Variants in NRCAM observed in about 807,000 individuals in gnomAD.
NRCAM encodes neuronal cell adhesion molecule.
NRCAM carries 83 observed loss-of-function variants against 156.5 expected under a neutral mutation model. The ratio of observed to expected loss-of-function variants is 0.53; its 90% confidence interval spans 0.44 to 0.64. The LOEUF is 0.64. Ranked by LOEUF, NRCAM falls within the 30% of genes least tolerant of loss-of-function variation. The pLI is 0.00. For missense variants in NRCAM, 1,417 were observed against 1,597.3 expected, an observed-to-expected ratio of 0.89 and a Z score of 1.92; for synonymous variants, 538 against 563.9, an observed-to-expected ratio of 0.95 and a Z score of 0.65.
At chr7:108,158,754 C>T (rs1016090951) in intron 32 of NRCAM, among the ~76,000 whole-genome samples, 19 of 152,200 alleles carry the variant, frequency 1.2e-4, no homozygotes, top group Admixed American at 3.3e-4. Context: ...TAAATAAATA[C>T]GTACTTTGTT....
At chr7:108,450,790 G>A (rs536940694) in intron 1 of NRCAM, among the ~76,000 whole-genome samples, 1 of 152,254 alleles carries the variant, frequency 6.6e-6, no homozygotes, top group African/African-American at 2.4e-5. Context: ...TCAATTTCTT[G>A]CTTTGCACAA....
At position 108,167,001 on chromosome 7, in the gene NRCAM, C is replaced by T; in HGVS notation, c.3386G>A (p.Gly1129Glu). ...ACCAACTCGAACTTTGTATGCTGTT[C>T]CTGGCATTAGACCCTTTAACCCAAA... ...SFFGLKGLMPGTAYKVRVGAV... is the reference protein window; with the variant it reads ...SFFGLKGLMPETAYKVRVGAV... Residue 1129 changes from glycine to glutamate, a missense_variant, in exon 30 of 33, where the codon GGA becomes GAA. Physicochemically the swap from Gly to Glu is moderately conservative, Grantham distance 98. Coordinates refer to ENST00000379028, the MANE Select transcript of NRCAM (RefSeq NM_001037132.4). 2 of 1,613,850 alleles carry T rather than the reference C, an allele frequency of 1.2e-6. No homozygotes were observed. The highest frequency in any genetic ancestry group is 1.7e-6 in the Non-Finnish European group (2 of 1,179,778).
chr7:108,378,689 A>ACG (rs2099687420), intron 2 of NRCAM, among the ~76,000 whole-genome samples: 2 of 135,708 alleles, frequency 1.5e-5, no homozygotes, highest in African/African-American at 5.5e-5. Context: ...ACACACACAC[A>ACG]AACTCCAAGA....
intron 3 of NRCAM, among the ~76,000 whole-genome samples, chr7:108,275,949 G>T (rs1186110107): frequency 6.6e-6 from 1 of 152,066 alleles, no homozygotes; most frequent in Non-Finnish European, 1.5e-5. Context: ...GTTCTCGTTG[G>T]TTTCAAAGAA....
At chr7:108,347,239 T>C (rs949568475) in intron 2 of NRCAM, among the ~76,000 whole-genome samples, 1 of 152,042 alleles carries the variant, frequency 6.6e-6, no homozygotes, top group Admixed American at 6.6e-5. Context: ...GATTTCACCG[T>C]GTTAGCCAGG....
At chr7:108,319,774 C>CAA (rs2098978422) in intron 2 of NRCAM, among the ~76,000 whole-genome samples, 1 of 152,112 alleles carries the variant, frequency 6.6e-6, no homozygotes, top group South Asian at 2.1e-4. Context: ...TACCAATGCA[C>CAA]AATTTAATTG....
intron 3 of NRCAM, among the ~76,000 whole-genome samples, chr7:108,310,292 C>T (rs1554494880): frequency 6.6e-6 from 1 of 152,196 alleles, no homozygotes; most frequent in Non-Finnish European, 1.5e-5. Flanking sequence ...CAGAGGTATC[C>T]TCTCTCCTCA....
intron 2 of NRCAM, among the ~76,000 whole-genome samples, chr7:108,343,334 AG>A (rs2099314644): frequency 6.6e-6 from 1 of 152,188 alleles, no homozygotes; most frequent in African/African-American, 2.4e-5. Context: ...CTAACTTCCG[AG>A]GGAACACCTA....
At chr7:108,444,342 GAC>G (rs1407187346) in intron 1 of NRCAM, among the ~76,000 whole-genome samples, 1 of 151,864 alleles carries the variant, frequency 6.6e-6, no homozygotes, top group Non-Finnish European at 1.5e-5. Flanking sequence ...ATAGCTATAT[GAC>G]ACAGAGGTAT....
chr7:108,343,807 G>A (rs1261657803), intron 2 of NRCAM, among the ~76,000 whole-genome samples: 1 of 152,114 alleles, frequency 6.6e-6, no homozygotes, highest in Non-Finnish European at 1.5e-5. Context: ...GTCAGGGCCT[G>A]TAAAGTGTGC....
chr7:108,376,484 G>A lies in NRCAM; in HGVS notation c.-174+22952C>T, dbSNP rs528705143. On this transcript the variant is annotated intron_variant, in intron 2 of 32. Transcript: ENST00000379028. ...GCTTTTTTGGATATGTGCAGGGCAGGTGTGGCTGGTACTTGCTGCCCTCCT... is the reference window on the plus strand; with the variant it reads ...GCTTTTTTGGATATGTGCAGGGCAGATGTGGCTGGTACTTGCTGCCCTCCT... Among the ~76,000 whole-genome samples, 93 of 152,220 alleles carry A rather than the reference G, an allele frequency of 6.1e-4. 1 individual carries two copies. Among genetic ancestry groups the A allele is most frequent in the African/African-American group, 2.2e-3 (91 of 41,546 alleles).
intron 1 of NRCAM, among the ~76,000 whole-genome samples, chr7:108,440,781 T>C (rs537370652): frequency 6.6e-6 from 1 of 152,354 alleles, no homozygotes; most frequent in African/African-American, 2.4e-5. Flanking sequence ...CGGTGAGTTC[T>C]GGAGTTCTTT....
chr7:108,183,455 C>T (rs2064705518), intron 22 of NRCAM, among the ~76,000 whole-genome samples: 11 of 151,948 alleles, frequency 7.2e-5, no homozygotes, highest in Admixed American at 7.2e-4. Flanking sequence ...GTTAATTTTC[C>T]AAATCCAGAA....
At chr7:108,420,471 C>T (rs1808033395) in intron 1 of NRCAM, among the ~76,000 whole-genome samples, 1 of 152,144 alleles carries the variant, frequency 6.6e-6, no homozygotes, top group Non-Finnish European at 1.5e-5. Flanking sequence ...AGATTCTTAT[C>T]CACATTTCTT....
Position 108,353,030 on chromosome 7 carries a change from T to C in NRCAM, c.-173-40299A>G, listed in dbSNP as rs188520828. On this transcript the variant is annotated intron_variant, in intron 2 of 32. Transcript: ENST00000379028. ...CCCACACATGTATTTTTTTAAATTA[T>C]ACGAGTGACATGTGCTCATTGTAAA... Among the ~76,000 whole-genome samples the C allele has an allele frequency of 2.7e-5, 4 of 150,416 alleles. No individual in the cohort carries two copies. In the East Asian group the frequency reaches 7.9e-4, roughly 30 times the overall value.
chr7:108,259,815 G>A lies in NRCAM; in HGVS notation c.-106-19645C>T, dbSNP rs563889145. On this transcript the variant is annotated intron_variant, in intron 3 of 32. Transcript: ENST00000379028. ...CAATGAGAACACATGGACACAGGGA[G>A]AGGAACAACACACACTGGGGCCTGT... Among the ~76,000 whole-genome samples, 4 of 152,186 alleles carry A rather than the reference G, an allele frequency of 2.6e-5. 1 individual carries two copies. In the South Asian group the frequency reaches 8.3e-4, roughly 31 times the overall value.
chr7:108,420,551 A>T (rs188793690), intron 1 of NRCAM, among the ~76,000 whole-genome samples: 56 of 152,318 alleles, frequency 3.7e-4, no homozygotes, highest in African/African-American at 1.3e-3. Context: ...AGATGGAAAG[A>T]TATGACGACA....
At chr7:108,262,321 G>GGT (rs145547854) in intron 3 of NRCAM, among the ~76,000 whole-genome samples, 35 of 151,554 alleles carry the variant, frequency 2.3e-4, no homozygotes, top group Middle Eastern at 3.4e-3. Context: ...ACAGTGATGT[G>GGT]GTGTGTGTGT....
At chr7:108,225,789 C>G in intron 9 of NRCAM, 88 bp from the exon 10 acceptor site, 1 of 815,030 alleles carries the variant, frequency 1.2e-6, no homozygotes, top group East Asian at 2.4e-5. Context: ...ACATATGCAG[C>G]TATCCTGACC....
Sources: allele counts gnomAD v4.1 joint callset (sites outside exome capture counted in the v4.1 genomes callset), GRCh38; gene constraint gnomAD v4.1.1; transcripts MANE v1.5; gene names NCBI Gene and HGNC (gene_info 2026-07-23, HGNC 2026-07-21).